The following ITSN1 variants were observed in gnomAD, a reference collection of about 807,000 sequenced individuals.
ITSN1 encodes the protein intersectin-1.
Under a neutral mutation model 239.8 loss-of-function variants are expected in ITSN1, and 58 were observed. That is an observed-to-expected ratio of 0.24 (90% CI 0.20 to 0.30). The LOEUF is 0.30. ITSN1 is among the 10% of genes least tolerant of loss of function. The pLI is 1.00. For synonymous variants in ITSN1, 780 were observed against 770.8 expected (o/e 1.01, Z -0.20); for missense variants, 1,558 against 2,103.3 (o/e 0.74, Z 5.07).
chr21:33,687,170 A>G (rs1283059992), intron 1 of ITSN1, among the ~76,000 whole-genome samples: 2 of 151,988 alleles, frequency 1.3e-5, no homozygotes. Context: ...TGTCTTTACT[A>G]AAAATACAAA....
chr21:33,880,419 G>T (rs1181679413), intron 34 of ITSN1, among the ~76,000 whole-genome samples: 1 of 152,064 alleles, frequency 6.6e-6, no homozygotes, highest in Admixed American at 6.5e-5. Context: ...AGGGCTGGTT[G>T]GTCTCCAGGC....
intron 4 of ITSN1, among the ~76,000 whole-genome samples, chr21:33,725,141 T>G (rs1399476320): frequency 2.1e-5 from 3 of 143,952 alleles, no homozygotes; most frequent in Admixed American, 6.9e-5. Flanking sequence ...TTGTTTTTTT[T>G]TTTTTTTTTT....
At chr21:33,875,767 G>A (rs925747495) in intron 34 of ITSN1, among the ~76,000 whole-genome samples, 2 of 152,090 alleles carry the variant, frequency 1.3e-5, no homozygotes, top group Admixed American at 6.5e-5. Flanking sequence ...TGCAACCTCC[G>A]CCTCCCCGGT....
intron 1 of ITSN1, among the ~76,000 whole-genome samples, chr21:33,654,114 A>C (rs140038790): frequency 6.6e-6 from 1 of 151,708 alleles, no homozygotes; most frequent in Non-Finnish European, 1.5e-5. Flanking sequence ...TGGCATGACC[A>C]TGATTCACTG....
intron 1 of ITSN1, among the ~76,000 whole-genome samples, chr21:33,677,157 TAAAA>T (rs578187040): frequency 6.7e-6 from 1 of 150,138 alleles, no homozygotes; most frequent in Admixed American, 6.6e-5. Flanking sequence ...AAAGTATAAT[TAAAA>T]AAAAAGAGTT....
intron 25 of ITSN1, among the ~76,000 whole-genome samples, chr21:33,824,766 A>G (rs2073887089): frequency 6.6e-6 from 1 of 152,050 alleles, no homozygotes; most frequent in Non-Finnish European, 1.5e-5. Flanking sequence ...TTGTTTTTTT[A>G]AGGGGTGGCA....
Position 33,836,451 on chromosome 21 carries a change from G to A in ITSN1, c.3480G>A (p.Val1160=), listed in dbSNP as rs2074609403. Residue 1160 remains valine (V), a synonymous_variant, in exon 29 of 40, where the codon GTG becomes GTA. Coordinates refer to ENST00000381318, the MANE Select transcript of ITSN1 (RefSeq NM_003024.3). ...KSTALAAVCQ[V]IGMYDYTAQN... is the part of the protein sequence containing the mutation. Reference sequence around the variant, plus strand: ...CCCTGTCTCCTGCAGTGTGCCAGGTGATTGGGATGTACGACTACACCGCGC... The same window carrying A: ...CCCTGTCTCCTGCAGTGTGCCAGGTAATTGGGATGTACGACTACACCGCGC... 1 of 1,607,344 alleles carries A rather than the reference G, an allele frequency of 6.2e-7. No individual in the cohort carries two copies. The highest frequency in any genetic ancestry group is 8.5e-7 in the Non-Finnish European group (1 of 1,175,710).
chr21:33,743,080 T>A (rs2147357836), intron 5 of ITSN1, among the ~76,000 whole-genome samples: 1 of 152,098 alleles, frequency 6.6e-6, no homozygotes, highest in Middle Eastern at 3.4e-3. Context: ...AAAAGAAAAA[T>A]TCATTCTAGA....
rs71322250 is a variant in ITSN1, at chr21:33,897,908, A to AT, written c.*9616dup. 0.1 allele frequency: 15,623 copies of AT among 152,096 alleles called. 882 individuals are homozygous for AT. Among genetic ancestry groups the AT allele is most frequent in the African/African-American group, 0.15 (6,075 of 41,474 alleles). 9.4% of individuals were successfully genotyped at this position (152,096 alleles called of 1,614,324 possible). A position where few individuals can be genotyped will look rare whatever the true frequency, so the allele number is the denominator to read the frequency against. On this transcript the variant is annotated 3_prime_UTR_variant, in exon 40 of 40. Transcript: ENST00000381318. ...GTATATGTTAGAAATCAAATGAGTC[A>AT]TTTTTTTTCCTGCAGGAAATATGAT...
intron 2 of ITSN1, among the ~76,000 whole-genome samples, chr21:33,720,875 T>G (rs2065443014): frequency 6.6e-6 from 1 of 152,206 alleles, no homozygotes; most frequent in African/African-American, 2.4e-5. Context: ...TTTATGTAAG[T>G]AAATTATTAA....
At position 33,885,439 on chromosome 21, in the gene ITSN1, T is replaced by A. The variant is rs1328630279; in HGVS notation, c.4760T>A (p.Val1587Asp). 6.2e-7 allele frequency: 1 copy of A among 1,614,010 alleles called. No homozygotes were observed. Among genetic ancestry groups the A allele is most frequent in the Non-Finnish European group, 8.5e-7 (1 of 1,179,894 alleles). ...EKKKREKAYL[V>D]RSQRATGIGR... ...TTTTGTGTTTTTCCTGCCGTCATAG[T>A]CCGTTCCCAAAGGGCAACAGGCATT... The change falls in exon 38 of 40, where the codon GTC (valine) becomes GAC (aspartate). Residue 1587 changes from valine to aspartate, a missense_variant and splice_region_variant. Transcript: ENST00000381318.
chr21:33,827,591 G>C (rs1056067523), intron 26 of ITSN1, among the ~76,000 whole-genome samples: 1 of 152,068 alleles, frequency 6.6e-6, no homozygotes, highest in Non-Finnish European at 1.5e-5. Context: ...GAAGATTAGA[G>C]TGTAGGTCCC....
intron 31 of ITSN1, among the ~76,000 whole-genome samples, chr21:33,860,323 A>AG (rs1283420568): frequency 6.6e-6 from 1 of 151,916 alleles, no homozygotes; most frequent in East Asian, 1.9e-4. Flanking sequence ...AAGAAAAAAA[A>AG]AAAAAAAAAG....
At chr21:33,673,582 C>G (rs1427782295) in intron 1 of ITSN1, among the ~76,000 whole-genome samples, 1 of 151,118 alleles carries the variant, frequency 6.6e-6, no homozygotes, top group Non-Finnish European at 1.5e-5. Flanking sequence ...GTGATTTAAT[C>G]TCTCAAACCT....
In ITSN1 at chr21:33,690,810, T is replaced by TATATATAC. The variant is rs1377515230; in HGVS notation, c.-32-27983_-32-27982insATACATAT. Among the ~76,000 whole-genome samples, 10 of 17,716 alleles carry TATATATAC rather than the reference T, an allele frequency of 5.6e-4. 1 individual carries two copies. The highest frequency in any genetic ancestry group is 2.6e-3 in the African/African-American group (8 of 3,054). 11.6% of individuals were successfully genotyped at this position (17,716 alleles called of 152,430 possible). Reference sequence around the variant, plus strand: ...ATATACATATATATATATATATATATATATGTATATATATATATATATATA... The same window carrying TATATATAC: ...ATATACATATATATATATATATATATATATATACATATGTATATATATATATATATATA... On this transcript the variant is annotated intron_variant, in intron 1 of 39. Coordinates refer to ENST00000381318, the MANE Select transcript of ITSN1 (RefSeq NM_003024.3).
chr21:33,837,989 C>T (rs988473385), intron 29 of ITSN1: 1 of 985,648 alleles, frequency 1.0e-6, no homozygotes, highest in Non-Finnish European at 1.2e-6. Flanking sequence ...AAGTAATTTT[C>T]TTGACAAGAA....
intron 4 of ITSN1, among the ~76,000 whole-genome samples, chr21:33,726,504 G>A (rs547997845): frequency 2.0e-5 from 3 of 151,448 alleles, no homozygotes; most frequent in Admixed American, 1.3e-4. Context: ...ATAATTTTTT[G>A]CTTTTTTGTT....
At position 33,858,803 on chromosome 21, in the gene ITSN1, C is replaced by T. The variant is rs757221537; in HGVS notation, c.3890+11C>T. Reference sequence around the variant, plus strand: ...TATCAAACTACTAAAGTAAGCCTCTCCTCTAATCCCCAGCCTGGCTTGGCC... The same window carrying T: ...TATCAAACTACTAAAGTAAGCCTCTTCTCTAATCCCCAGCCTGGCTTGGCC... On this transcript the variant is annotated intron_variant, in intron 31 of 39. Coordinates refer to ENST00000381318, the MANE Select transcript of ITSN1 (RefSeq NM_003024.3). 8.4e-6 allele frequency: 13 copies of T among 1,549,388 alleles called. No individual in the cohort carries two copies. The highest frequency in any genetic ancestry group is 1.1e-5 in the South Asian group (1 of 88,990).
At chr21:33,777,805 T>G (rs2069761608) in intron 14 of ITSN1, among the ~76,000 whole-genome samples, 1 of 152,252 alleles carries the variant, frequency 6.6e-6, no homozygotes, top group South Asian at 2.1e-4. Flanking sequence ...TTCCTTTGTG[T>G]GTCTTACTTT....
Sources: gnomAD v4.1 joint callset for allele counts (sites outside exome capture counted in the v4.1 genomes callset) on GRCh38, gnomAD v4.1.1 for gene constraint, MANE v1.5 for transcripts, NCBI Gene and HGNC (gene_info 2026-07-23, HGNC 2026-07-21) for gene names.